The following DNM1L variants were observed in gnomAD, a reference collection of about 807,000 sequenced individuals.
DNM1L encodes dynamin 1L.
DNM1L carries 33 observed loss-of-function variants against 92.8 expected under a neutral mutation model. The observed-to-expected ratio is 0.36, with a 90% confidence interval of 0.27 to 0.48. The LOEUF (loss-of-function observed/expected upper bound fraction) is 0.48. Ranked by LOEUF, DNM1L falls within the 20% of genes least tolerant of loss-of-function variation. The probability of loss-of-function intolerance (pLI) is 0.99; values close to 1 mark genes in which losing one functional copy is unlikely to be tolerated. For missense variants in DNM1L, 485 were observed against 888.8 expected, an observed-to-expected ratio of 0.55 and a Z score of 5.78; for synonymous variants, 284 against 305.0, an observed-to-expected ratio of 0.93 and a Z score of 0.72.
At chr12:32,740,999 G>A (rs1366255580) in intron 18 of DNM1L, among the ~76,000 whole-genome samples, 1 of 152,134 alleles carries the variant, frequency 6.6e-6, no homozygotes, top group Non-Finnish European at 1.5e-5. Flanking sequence ...ATTTCATGCA[G>A]TAATAGGGAG....
chr12:32,703,349 A>G (rs1329215696), intron 2 of DNM1L, among the ~76,000 whole-genome samples: 1 of 152,106 alleles, frequency 6.6e-6, no homozygotes, highest in Non-Finnish European at 1.5e-5. Flanking sequence ...GCTTAAAATG[A>G]CAACTCAACT....
intron 1 of DNM1L, among the ~76,000 whole-genome samples, chr12:32,686,326 T>A (rs1030785166): frequency 6.6e-6 from 1 of 152,054 alleles, no homozygotes; most frequent in Non-Finnish European, 1.5e-5. Context: ...GGATTACAGG[T>A]GTGAGCCACT....
At chr12:32,684,411 C>T (rs1239834) in intron 1 of DNM1L, among the ~76,000 whole-genome samples, 3 of 152,212 alleles carry the variant, frequency 2.0e-5, no homozygotes, top group Non-Finnish European at 4.4e-5. Context: ...GGATATTTCA[C>T]ATTAGTGGAA....
intron 3 of DNM1L, 93 bp downstream of exon 3, chr12:32,707,506 G>A (rs886179117): frequency 6.3e-5 from 57 of 904,542 alleles, no homozygotes; most frequent in Non-Finnish European, 8.4e-5. Flanking sequence ...TGGCAATTAC[G>A]TTATTTTAAA....
At chr12:32,728,847 G>C (rs1255863113) in intron 9 of DNM1L, 1 of 152,414 alleles carries the variant, frequency 6.6e-6, no homozygotes, top group East Asian at 1.9e-4. Flanking sequence ...GCAGTTGCGC[G>C]ATCTCGGCTC....
chr12:32,706,188 T>C (rs1005035019), intron 2 of DNM1L: 28 of 219,964 alleles, frequency 1.3e-4, no homozygotes, highest in Non-Finnish European at 2.0e-4. Context: ...CCTAGATTAC[T>C]CCAGTCCTCC....
At chr12:32,736,390 C>T (rs1954883749) in intron 13 of DNM1L, among the ~76,000 whole-genome samples, 2 of 152,096 alleles carry the variant, frequency 1.3e-5, no homozygotes, top group Admixed American at 1.3e-4. Flanking sequence ...AATCTTTTAC[C>T]TATCTTGGTG....
At chr12:32,729,089 T>TC (rs961406527) in intron 9 of DNM1L, 2 of 102,704 alleles carry the variant, frequency 1.9e-5, no homozygotes, top group Admixed American at 9.9e-5. Flanking sequence ...CTGTGCCCAG[T>TC]CCCCCTTTTT....
chr12:32,698,654 G>A (rs4641562), intron 1 of DNM1L, among the ~76,000 whole-genome samples: 23,389 of 152,096 alleles, frequency 0.15, 1,897 homozygotes, highest in Middle Eastern at 0.21. Context: ...TAAAGTACAA[G>A]TTTTGACTAA....
At position 32,731,765 on chromosome 12, in the gene DNM1L, A is replaced by G. The variant is rs1343520047; in HGVS notation, c.1357-89A>G. On this transcript the variant is annotated intron_variant, in intron 11 of 19. Transcript: ENST00000549701. This position sits in a 1 kb window ranked among gnomAD's most constrained non-coding sequence, Gnocchi z 5.1. ...CTACATGTAGTCTCAGCTACTTGGGAGGCTAAGGTGGGAGGATGGCTTAGT... is the reference window on the plus strand; with the variant it reads ...CTACATGTAGTCTCAGCTACTTGGGGGGCTAAGGTGGGAGGATGGCTTAGT... 8.7e-7 allele frequency: 1 copy of G among 1,143,294 alleles called. No homozygotes were observed. Among genetic ancestry groups the G allele is most frequent in the East Asian group, 2.4e-5 (1 of 41,864 alleles). 70.8% of individuals were successfully genotyped at this position (1,143,294 alleles called of 1,614,324 possible). A position where few individuals can be genotyped will look rare whatever the true frequency, so the allele number is the denominator to read the frequency against.
At position 32,743,679 on chromosome 12, in the gene DNM1L, A is replaced by T. The variant is rs1484791894; in HGVS notation, c.*269A>T. On this transcript the variant is annotated 3_prime_UTR_variant, in exon 20 of 20. Transcript: ENST00000549701. ...CAGTTTCATCTGAACTTAACTTAAA[A>T]ACAACTGTTAATGTTCTAGTTGTGC... 2.1e-6 allele frequency: 1 copy of T among 467,120 alleles called. No homozygotes were observed. The highest frequency in any genetic ancestry group is 3.8e-6 in the Non-Finnish European group (1 of 260,506). 28.9% of individuals were successfully genotyped at this position (467,120 alleles called of 1,614,324 possible).
In DNM1L at chr12:32,745,229, T is replaced by C. The variant is rs957202126; in HGVS notation, c.*1819T>C. 3 of 228,698 alleles carry C rather than the reference T, an allele frequency of 1.3e-5. No homozygotes were observed. The highest frequency in any genetic ancestry group is 4.7e-5 in the African/African-American group (2 of 42,448). 14.2% of individuals were successfully genotyped at this position (228,698 alleles called of 1,614,324 possible). ...TCAGTTTCAAAATTATAGCCATTCA[T>C]GATTTACTTTTTCCAGATGACTATC... On this transcript the variant is annotated 3_prime_UTR_variant, in exon 20 of 20. Coordinates refer to ENST00000549701, the MANE Select transcript of DNM1L (RefSeq NM_012062.5).
chr12:32,681,415 G>A (rs926821152), intron 1 of DNM1L, among the ~76,000 whole-genome samples: 24 of 152,232 alleles, frequency 1.6e-4, no homozygotes, highest in Admixed American at 6.5e-4. Context: ...GCTGGGCATG[G>A]TGGTGCGAAC....
intron 15 of DNM1L, 72 bp downstream of exon 15, chr12:32,738,014 C>A: frequency 6.8e-7 from 1 of 1,477,840 alleles, no homozygotes; most frequent in African/African-American, 1.4e-5. Context: ...GGAAACAATA[C>A]ACTGAATAGA....
At chr12:32,704,474 C>T (rs1175694945) in intron 2 of DNM1L, among the ~76,000 whole-genome samples, 3 of 151,420 alleles carry the variant, frequency 2.0e-5, no homozygotes, top group African/African-American at 4.9e-5. Flanking sequence ...CGCTTGAACC[C>T]GGGAGGCGGA....
At chr12:32,681,931 C>T (rs564659602) in intron 1 of DNM1L, among the ~76,000 whole-genome samples, 15 of 151,904 alleles carry the variant, frequency 9.9e-5, no homozygotes, top group Admixed American at 2.0e-4. Flanking sequence ...GAGTTTGAGG[C>T]TGCAGTGAGC....
chr12:32,718,915 C>G, intron 7 of DNM1L, 152 bp downstream of exon 7: 1 of 1,157,294 alleles, frequency 8.6e-7, no homozygotes, highest in Non-Finnish European at 1.3e-6. Context: ...CTTGGTATTG[C>G]TAAAGAATCC....
chr12:32,712,579 G>C (rs1953170607), intron 5 of DNM1L, among the ~76,000 whole-genome samples: 2 of 131,440 alleles, frequency 1.5e-5, no homozygotes, highest in South Asian at 5.4e-4. Context: ...GAGCCCAGGA[G>C]TTTGAAGATA....
chr12:32,711,069 C>A, intron 5 of DNM1L, 54 bp downstream of exon 5: 3 of 1,426,900 alleles, frequency 2.1e-6, no homozygotes, highest in South Asian at 1.1e-5. Context: ...TCGTTGACAT[C>A]CCATATGAGA....
Sources: allele counts gnomAD v4.1 joint callset (sites outside exome capture counted in the v4.1 genomes callset), GRCh38; gene constraint gnomAD v4.1.1; non-coding constraint Gnocchi (gnomAD v3.1); transcripts MANE v1.5; gene names NCBI Gene and HGNC (gene_info 2026-07-23, HGNC 2026-07-21).